Variants in TSPAN15 observed in about 807,000 individuals in gnomAD.
TSPAN15 encodes tetraspanin 15, also known as tetraspanin-15.
In TSPAN15, 20 loss-of-function variants were observed where a neutral mutation model predicts 34.5. The observed-to-expected ratio is 0.58, with a 90% confidence interval of 0.41 to 0.84. The LOEUF is 0.84. TSPAN15 is among the 40% of genes least tolerant of loss of function. TSPAN15 has a pLI of 0.00. For synonymous variants in TSPAN15, 155 were observed against 153.9 expected, an observed-to-expected ratio of 1.01 and a Z score of -0.05; for missense variants, 313 against 386.1, an observed-to-expected ratio of 0.81 and a Z score of 1.59.
rs980169760 is a variant in TSPAN15 at position 69,507,527 on chromosome 10, T to G, written c.*549T>G. The stretch of plus-strand genomic sequence containing the variant: ...CTTGAGCCTAGTTTTTTTACGTGAT[T>G]TTTGTAACATTCATTTTTTTGTACA... On this transcript the variant is annotated 3_prime_UTR_variant, in exon 8 of 8. Transcript: ENST00000373290. 8 of 1,304,300 alleles carry G rather than the reference T, an allele frequency of 6.1e-6. No individual in the cohort carries two copies. Among genetic ancestry groups the G allele is most frequent in the Non-Finnish European group, 6.1e-6 (6 of 989,020 alleles). The allele number at this position is 1,304,300 out of a possible 1,614,324, so 80.8% of individuals were successfully genotyped here. A position where few individuals can be genotyped will look rare whatever the true frequency, so the allele number is the denominator to read the frequency against.
chr10:69,483,969 C>T, intron 2 of TSPAN15, 93 bp downstream of exon 2: 1 of 1,375,864 alleles, frequency 7.3e-7, no homozygotes. Flanking sequence ...TCTTTTGTCC[C>T]TGCCTCAAAC....
chr10:69,478,524 T>C (rs1180219670), intron 1 of TSPAN15, among the ~76,000 whole-genome samples: 1 of 152,172 alleles, frequency 6.6e-6, no homozygotes, highest in Non-Finnish European at 1.5e-5. Context: ...CCCTCTTCCC[T>C]GTCACTTTTG....
chr10:69,464,833 A>G (rs1841348077), intron 1 of TSPAN15, among the ~76,000 whole-genome samples: 1 of 152,196 alleles, frequency 6.6e-6, no homozygotes, highest in African/African-American at 2.4e-5. Context: ...TCTAGTGTGC[A>G]GGGGGGACAA....
the TSPAN15 span, among the ~76,000 whole-genome samples, chr10:69,539,453 A>AG: frequency 2.8e-3 from 74 of 26,640 alleles, no homozygotes; most frequent in South Asian, 7.8e-3. Context: ...AAGAAGAAGA[A>AG]GAAGAAGAAG....
the TSPAN15 span, among the ~76,000 whole-genome samples, chr10:69,519,786 G>T: frequency 6.6e-6 from 1 of 151,982 alleles, no homozygotes; most frequent in Admixed American, 6.6e-5. Context: ...AGGCTAGAGT[G>T]CAATGGCGTG....
the TSPAN15 span, among the ~76,000 whole-genome samples, chr10:69,518,249 G>T: frequency 3.3e-5 from 5 of 152,196 alleles, no homozygotes; most frequent in African/African-American, 1.2e-4. Context: ...ATGGAGAAAT[G>T]TGCAAAGAAT....
downstream of TSPAN15, among the ~76,000 whole-genome samples, chr10:69,512,495 A>G (rs1842425017): frequency 6.6e-6 from 1 of 152,278 alleles, no homozygotes; most frequent in African/African-American, 2.4e-5. Flanking sequence ...CAAATGTGTC[A>G]GTGAAACCAT....
chr10:69,508,517 C>T (rs981168296), downstream of TSPAN15, among the ~76,000 whole-genome samples: 4 of 147,304 alleles, frequency 2.7e-5, no homozygotes, highest in South Asian at 2.2e-4. Context: ...AGGATTCTAA[C>T]GGTGGGAACC....
chr10:69,546,234 C>A, the TSPAN15 span, among the ~76,000 whole-genome samples: 1 of 152,174 alleles, frequency 6.6e-6, no homozygotes. Flanking sequence ...GCTGCCAGGG[C>A]AGTGTGTGTA....
intron 4 of TSPAN15, 47 bp from the exon 5 acceptor site, chr10:69,498,233 G>A (rs753733370): frequency 3.8e-6 from 6 of 1,567,764 alleles, no homozygotes; most frequent in Middle Eastern, 3.4e-4. Context: ...GTCTGAGCAG[G>A]GCCTGGGCGA....
chr10:69,539,441 G>GGAAGAA, the TSPAN15 span, among the ~76,000 whole-genome samples: 2 of 65,402 alleles, frequency 3.1e-5, no homozygotes, highest in South Asian at 5.3e-4. Flanking sequence ...AGAAGAAGAA[G>GGAAGAA]GAAGAAGAAG....
chr10:69,517,725 G>A, the TSPAN15 span, among the ~76,000 whole-genome samples: 1 of 152,174 alleles, frequency 6.6e-6, no homozygotes, highest in Non-Finnish European at 1.5e-5. Flanking sequence ...GCCAGGACCC[G>A]GCTGGCACCA....
At chr10:69,480,654 G>T (rs978033688) in intron 1 of TSPAN15, among the ~76,000 whole-genome samples, 1 of 152,130 alleles carries the variant, frequency 6.6e-6, no homozygotes, top group African/African-American at 2.4e-5. Flanking sequence ...GATTCCTCAT[G>T]GGTGGAGTCA....
chr10:69,451,830 C>T (rs990399019), intron 1 of TSPAN15, 140 bp downstream of exon 1: 6 of 589,306 alleles, frequency 1.0e-5, no homozygotes, highest in African/African-American at 9.6e-5. Context: ...TGTCTTTCTA[C>T]CTCACATTCG....
rs369284897 is a variant in TSPAN15, at chr10:69,506,121, C to T, written c.619-3C>T. ...TGGGCTGACCCAGCTCCTTCCCATG[C>T]AGCGTTTCAGTGTGCAGGATGTCAT... On this transcript the variant is annotated splice_region_variant and splice_polypyrimidine_tract_variant and intron_variant, in intron 6 of 7. Coordinates refer to ENST00000373290, the MANE Select transcript of TSPAN15 (RefSeq NM_012339.5). The surrounding 1 kb of genome is among the most constrained non-coding windows in gnomAD (Gnocchi z 4.7). 5 of 1,612,856 alleles carry T rather than the reference C, an allele frequency of 3.1e-6. No individual in the cohort carries two copies. The African/African-American group carries it at 6.7e-5, about 22-fold the overall frequency.
chr10:69,535,287 T>C, the TSPAN15 span, among the ~76,000 whole-genome samples: 2 of 152,166 alleles, frequency 1.3e-5, no homozygotes, highest in South Asian at 2.1e-4. Flanking sequence ...ACAAAGGTTA[T>C]GTCAAAAGGA....
At chr10:69,493,178 C>A (rs989405962) in intron 3 of TSPAN15, among the ~76,000 whole-genome samples, 1 of 152,198 alleles carries the variant, frequency 6.6e-6, no homozygotes, top group African/African-American at 2.4e-5. Context: ...AGCTTTGTGA[C>A]CTGGGGGCCT....
At chr10:69,462,359 G>A (rs1292900100) in intron 1 of TSPAN15, among the ~76,000 whole-genome samples, 5 of 151,452 alleles carry the variant, frequency 3.3e-5, no homozygotes, top group Non-Finnish European at 5.9e-5. Context: ...TTTTGAGACG[G>A]AGTCTTGCTC....
At position 69,507,223 on chromosome 10, in the gene TSPAN15, C is replaced by A; in HGVS notation, c.*245C>A. 1 of 1,397,730 alleles carries A rather than the reference C, an allele frequency of 7.2e-7. No homozygotes were observed. The highest frequency in any genetic ancestry group is 2.8e-5 in the East Asian group (1 of 36,248). The allele number at this position is 1,397,730 out of a possible 1,614,324, so 86.6% of individuals were successfully genotyped here. A position where few individuals can be genotyped will look rare whatever the true frequency, so the allele number is the denominator to read the frequency against. ...CTGTGCCCACCTGGGGCCTGGGGAA[C>A]AAGGCCCTCCTTTCTCCAGGCCTGG... On this transcript the variant is annotated 3_prime_UTR_variant, in exon 8 of 8. Coordinates refer to ENST00000373290, the MANE Select transcript of TSPAN15 (RefSeq NM_012339.5).
Sources: gnomAD v4.1 joint callset for allele counts (sites outside exome capture counted in the v4.1 genomes callset) on GRCh38, gnomAD v4.1.1 for gene constraint, Gnocchi (gnomAD v3.1) non-coding constraint, MANE v1.5 for transcripts, NCBI Gene and HGNC (gene_info 2026-07-23, HGNC 2026-07-21) for gene names.